The following SPOP variants were observed in gnomAD, a reference collection of about 807,000 sequenced individuals.
SPOP encodes speckle-type POZ protein.
Under a neutral mutation model 45.6 loss-of-function variants are expected in SPOP, and 11 were observed. The observed-to-expected ratio is 0.24, with a 90% CI of 0.15 to 0.40. SPOP has a LOEUF of 0.40. Ranked by LOEUF, SPOP falls within the 10% of genes least tolerant of loss-of-function variation. The pLI, the probability that SPOP is intolerant of heterozygous loss-of-function variation, is 1.00. For synonymous variants in SPOP, 166 were observed against 166.3 expected (o/e 1.00, Z 0.01); for missense variants, 152 against 465.6 (o/e 0.33, Z 6.20).
chr17:49,613,129 C>T (rs2072010863), intron 5 of SPOP, among the ~76,000 whole-genome samples: 1 of 152,190 alleles, frequency 6.6e-6, no homozygotes, highest in South Asian at 2.1e-4. Flanking sequence ...TACAAACCAT[C>T]CCATAGAGAT....
intron 1 of SPOP, among the ~76,000 whole-genome samples, chr17:49,623,132 C>T (rs931238781): frequency 6.6e-6 from 1 of 152,054 alleles, no homozygotes; most frequent in Non-Finnish European, 1.5e-5. Context: ...CCTAAGCCTC[C>T]CGAGTAGCTG....
chr17:49,665,978 CAA>C (rs771605545), intron 1 of SPOP, among the ~76,000 whole-genome samples: 11 of 62,686 alleles, frequency 1.8e-4, no homozygotes, highest in Admixed American at 3.6e-4. Context: ...GACTCCATCT[CAA>C]AAAAAAAAAA....
At chr17:49,646,420 C>T (rs2072759054) in intron 1 of SPOP, 1 of 152,026 alleles carries the variant, frequency 6.6e-6, no homozygotes, top group African/African-American at 2.4e-5. Flanking sequence ...AAAAATTAGC[C>T]CTGCATGATG....
intron 3 of SPOP, among the ~76,000 whole-genome samples, chr17:49,620,170 CAAAAAAGAAAAA>C (rs1463611677): frequency 6.9e-5 from 10 of 145,380 alleles, no homozygotes; most frequent in African/African-American, 2.6e-4. Context: ...AACTCCATCT[CAAAAAAGAAAAA>C]GAAAAAAAAA....
intron 1 of SPOP, among the ~76,000 whole-genome samples, chr17:49,676,336 TTC>T (rs1289395710): frequency 2.6e-5 from 4 of 152,132 alleles, no homozygotes; most frequent in Non-Finnish European, 5.9e-5. Flanking sequence ...CACCCCAAAT[TTC>T]TCTGTTCCCT....
In SPOP at chr17:49,599,356, G is replaced by A; in HGVS notation, c.*1022C>T. On this transcript the variant is annotated 3_prime_UTR_variant, in exon 10 of 10. Transcript: ENST00000504102. The stretch of plus-strand genomic sequence containing the variant: ...TTGGAAGTTCTCCCCTGGAGGAAGA[G>A]GGGCTAGTCAGAAGGAACAGAACTG... 1 of 225,334 alleles carries A rather than the reference G, an allele frequency of 4.4e-6. No homozygotes were observed. The highest frequency in any genetic ancestry group is 1.8e-4 in the South Asian group (1 of 5,450). The allele number at this position is 225,334 out of a possible 1,614,324, so 14.0% of individuals were successfully genotyped here.
intron 1 of SPOP, among the ~76,000 whole-genome samples, chr17:49,659,192 G>C (rs1447171052): frequency 6.6e-6 from 1 of 152,140 alleles, no homozygotes; most frequent in Non-Finnish European, 1.5e-5. Context: ...CTCCCATGGT[G>C]AATCAATTTT....
chr17:49,611,769 C>T (rs1181846584), intron 5 of SPOP, among the ~76,000 whole-genome samples: 1 of 152,084 alleles, frequency 6.6e-6, no homozygotes, highest in East Asian at 1.9e-4. Context: ...AGAGACAAAA[C>T]TAACAGAAAC....
In SPOP at chr17:49,600,579, A is replaced by G; in HGVS notation, c.981-57T>C. On this transcript the variant is annotated intron_variant, in intron 9 of 9. Transcript: ENST00000504102. The surrounding 1 kb of genome is among the most constrained non-coding windows in gnomAD (Gnocchi z 4.2). ...AGGGAGTGAGCAAGGGATGAATTCA[A>G]CAGCCACCTAGATAGCCTAATTTTC... is the stretch of plus-strand genomic sequence containing the variant. The G allele has an allele frequency of 6.3e-7, 1 of 1,599,502 alleles. No homozygotes were observed. The highest frequency in any genetic ancestry group is 8.6e-7 in the Non-Finnish European group (1 of 1,168,540).
At chr17:49,658,686 A>C (rs1421598675) in intron 1 of SPOP, among the ~76,000 whole-genome samples, 15 of 152,234 alleles carry the variant, frequency 9.9e-5, no homozygotes, top group Admixed American at 9.8e-4. Flanking sequence ...CATATTTCAA[A>C]GGTGGACCAT....
intron 1 of SPOP, among the ~76,000 whole-genome samples, chr17:49,670,845 CTTT>C (rs1329781440): frequency 6.6e-6 from 1 of 152,052 alleles, no homozygotes; most frequent in Admixed American, 6.6e-5. Context: ...TGCCTCACTT[CTTT>C]ATGATGAAAA....
At chr17:49,606,495 C>CTTTTTTTT (rs71146920) in intron 8 of SPOP, among the ~76,000 whole-genome samples, 1 of 69,336 alleles carries the variant, frequency 1.4e-5, no homozygotes, top group Non-Finnish European at 2.7e-5. Flanking sequence ...TTTCTTTTTT[C>CTTTTTTTT]TTTTTTTTTT....
At chr17:49,657,818 C>G (rs957625261) in intron 1 of SPOP, among the ~76,000 whole-genome samples, 1 of 151,518 alleles carries the variant, frequency 6.6e-6, no homozygotes, top group Non-Finnish European at 1.5e-5. Flanking sequence ...TCTCCTGCCT[C>G]AGCCTCCTGA....
At position 49,638,583 on chromosome 17, in the gene SPOP, CAA is replaced by C. The variant is rs5820771; in HGVS notation, c.-66-15709_-66-15708del. ...CTGGTGACAGAGTGAGACTCTGTCT[CAA>C]AAAAAAAAAAATAGAATCTCTTCCT... On this transcript the variant is annotated intron_variant, in intron 1 of 9. Coordinates refer to ENST00000504102, the MANE Select transcript of SPOP (RefSeq NM_001007228.2). Among the ~76,000 whole-genome samples, 1,118 of 148,384 alleles carry C rather than the reference CAA, an allele frequency of 7.5e-3. 16 individuals carry two copies. The highest frequency in any genetic ancestry group is 0.026 in the African/African-American group (1,051 of 40,734).
intron 1 of SPOP, among the ~76,000 whole-genome samples, chr17:49,635,570 T>C (rs1406144024): frequency 1.3e-5 from 2 of 152,042 alleles, no homozygotes. Context: ...AGGCAATTTG[T>C]TCAAAATCAA....
chr17:49,611,508 T>C, intron 5 of SPOP, 51 bp from the exon 6 acceptor site: 1 of 1,542,612 alleles, frequency 6.5e-7, no homozygotes, highest in Non-Finnish European at 8.7e-7. Context: ...AGGAATTTTT[T>C]TGCCAGCAGA....
At chr17:49,614,802 AGTGTGTGTGTGTGT>A (rs60134980) in intron 5 of SPOP, among the ~76,000 whole-genome samples, 68 of 147,066 alleles carry the variant, frequency 4.6e-4, no homozygotes, top group South Asian at 4.4e-4. Flanking sequence ...CATGCTATGA[AGTGTGTGTGTGTGT>A]GTGTGTGTGT....
At chr17:49,604,969 C>T (rs2071810101) in intron 8 of SPOP, among the ~76,000 whole-genome samples, 1 of 152,206 alleles carries the variant, frequency 6.6e-6, no homozygotes, top group Non-Finnish European at 1.5e-5. Context: ...TAATATGCTA[C>T]ATGTTCTGAG....
Position 49,600,005 on chromosome 17 carries a change from CTT to C in SPOP, c.*371_*372del, listed in dbSNP as rs5820770. 1.0e-3 allele frequency: 220 copies of C among 217,346 alleles called. No homozygotes were observed. The highest frequency in any genetic ancestry group is 1.5e-3 in the Non-Finnish European group (167 of 111,148). The allele number at this position is 217,346 out of a possible 1,614,324, so 13.5% of individuals were successfully genotyped here. ...CTTCTGTTAAAACTCAATGTCCTTT[CTT>C]TTTTTTTTTTCCTTTTTGCTCCAGG... is the stretch of plus-strand genomic sequence containing the variant. On this transcript the variant is annotated 3_prime_UTR_variant, in exon 10 of 10. Coordinates refer to ENST00000504102, the MANE Select transcript of SPOP (RefSeq NM_001007228.2). The surrounding 1 kb of genome is among the most constrained non-coding windows in gnomAD (Gnocchi z 4.2).
Sources: allele counts gnomAD v4.1 joint callset (sites outside exome capture counted in the v4.1 genomes callset), GRCh38; gene constraint gnomAD v4.1.1; non-coding constraint Gnocchi (gnomAD v3.1); transcripts MANE v1.5; gene names NCBI Gene and HGNC (gene_info 2026-07-23, HGNC 2026-07-21).